STXBP5L: variants seen among roughly 807,000 people sequenced by gnomAD.
STXBP5L encodes the protein syntaxin-binding protein 5-like.
Under a neutral mutation model 144.5 loss-of-function variants are expected in STXBP5L, and 65 were observed. The observed-to-expected ratio is 0.45, with a 90% CI of 0.37 to 0.55. The LOEUF (loss-of-function observed/expected upper bound fraction) is 0.55, where lower values mean the gene tolerates loss of function less well. STXBP5L is among the 20% of genes least tolerant of loss of function. STXBP5L has a pLI of 0.00. For missense variants in STXBP5L, 1,298 were observed against 1,405.5 expected, an observed-to-expected ratio of 0.92 and a Z score of 1.22; for synonymous variants, 505 against 469.6, an observed-to-expected ratio of 1.08 and a Z score of -0.97.
intron 3 of STXBP5L, among the ~76,000 whole-genome samples, chr3:121,015,967 C>T (rs568750992): frequency 6.6e-6 from 1 of 152,256 alleles, no homozygotes; most frequent in East Asian, 1.9e-4. Flanking sequence ...AACATGCTAA[C>T]CAGTCTTCAT....
intron 5 of STXBP5L, among the ~76,000 whole-genome samples, chr3:121,058,630 A>G (rs1948615524): frequency 6.6e-6 from 1 of 152,188 alleles, no homozygotes; most frequent in Admixed American, 6.5e-5. Flanking sequence ...AATCCTCTCC[A>G]GCATCTGTTG....
At chr3:121,350,645 G>C (rs564557578) in intron 20 of STXBP5L, among the ~76,000 whole-genome samples, 1 of 152,090 alleles carries the variant, frequency 6.6e-6, no homozygotes, top group Admixed American at 6.6e-5. Context: ...TTTCTTGGAG[G>C]CTTTGTTCGT....
intron 2 of STXBP5L, among the ~76,000 whole-genome samples, chr3:120,910,029 A>T (rs925289235): frequency 1.3e-5 from 2 of 152,200 alleles, no homozygotes; most frequent in African/African-American, 4.8e-5. Context: ...AGTGGACAAA[A>T]TTTTTAATAT....
intron 3 of STXBP5L, among the ~76,000 whole-genome samples, chr3:120,956,065 GT>G (rs138710508): frequency 0.04 from 6,028 of 151,922 alleles, 167 homozygotes; most frequent in Middle Eastern, 0.082. Context: ...CTTGTTTCTG[GT>G]TTTTGGCTAT....
intron 19 of STXBP5L, among the ~76,000 whole-genome samples, chr3:121,303,235 C>G (rs2051997127): frequency 6.6e-6 from 1 of 152,202 alleles, no homozygotes; most frequent in East Asian, 1.9e-4. Context: ...ACAGACACTT[C>G]TCAAAAGAAG....
intron 9 of STXBP5L, among the ~76,000 whole-genome samples, chr3:121,182,847 T>A (rs2047216143): frequency 6.6e-6 from 1 of 152,044 alleles, no homozygotes; most frequent in African/African-American, 2.4e-5. Context: ...AAACAAAAGA[T>A]CATTCAAGGC....
chr3:121,074,644 C>G (rs1350171487), intron 5 of STXBP5L, among the ~76,000 whole-genome samples: 1 of 152,090 alleles, frequency 6.6e-6, no homozygotes, highest in South Asian at 2.1e-4. Context: ...CCTCATTTTC[C>G]CGCTGGCAAA....
In STXBP5L at chr3:121,309,764, C is replaced by T. The variant is rs944734276; in HGVS notation, c.2111-8711C>T. Among the ~76,000 whole-genome samples, 3 of 152,026 alleles carry T rather than the reference C, an allele frequency of 2.0e-5. No homozygotes were observed. The East Asian group carries it at 5.8e-4, about 29-fold the overall frequency. On this transcript the variant is annotated intron_variant, in intron 19 of 26. Transcript: ENST00000471454. ...AAGATCTTTATTCTACCAAATTAAGCCATATGTTTATCACAGTCCTATAAA... is the reference window on the plus strand; with the variant it reads ...AAGATCTTTATTCTACCAAATTAAGTCATATGTTTATCACAGTCCTATAAA...
intron 20 of STXBP5L, among the ~76,000 whole-genome samples, chr3:121,324,818 A>G (rs916765908): frequency 6.6e-6 from 1 of 152,044 alleles, no homozygotes; most frequent in Non-Finnish European, 1.5e-5. Flanking sequence ...ATTTTCCACA[A>G]AATTTTGGTA....
At chr3:121,304,453 A>T (rs2043266438) in intron 19 of STXBP5L, among the ~76,000 whole-genome samples, 1 of 152,162 alleles carries the variant, frequency 6.6e-6, no homozygotes, top group African/African-American at 2.4e-5. Flanking sequence ...TAACATTCAC[A>T]AGGATAGACT....
intron 15 of STXBP5L, 117 bp downstream of exon 15, chr3:121,250,880 G>A: frequency 1.2e-6 from 1 of 800,970 alleles, no homozygotes; most frequent in South Asian, 1.9e-5. Flanking sequence ...ACACATATGT[G>A]GCTGTGTTAC....
chr3:121,084,819 AC>A (rs1233450348), intron 5 of STXBP5L, among the ~76,000 whole-genome samples: 7 of 152,316 alleles, frequency 4.6e-5, no homozygotes, highest in South Asian at 2.1e-4. Context: ...GAACTAATTT[AC>A]ATTCCCACCA....
chr3:121,424,337 C>T lies in STXBP5L; in HGVS notation c.*5240C>T, dbSNP rs1351220783. ...ATACCTGTAACTTCCTATATGACAT[C>T]CAGTGCCCTGAAAGGGTGCTTACAC... On this transcript the variant is annotated 3_prime_UTR_variant, in exon 27 of 27. Transcript: ENST00000471454. 6.6e-6 allele frequency: 1 copy of T among 152,164 alleles called. No individual in the cohort carries two copies. The highest frequency in any genetic ancestry group is 1.5e-5 in the Non-Finnish European group (1 of 68,040). The allele number at this position is 152,164 out of a possible 1,614,324, so 9.4% of individuals were successfully genotyped here.
intron 9 of STXBP5L, among the ~76,000 whole-genome samples, chr3:121,192,759 G>A (rs148812397): frequency 0.019 from 2,918 of 152,246 alleles, 102 homozygotes; most frequent in African/African-American, 0.067. Context: ...TGGGAAAACT[G>A]GCTAGCCATC....
intron 19 of STXBP5L, among the ~76,000 whole-genome samples, chr3:121,309,204 G>C (rs1314902690): frequency 2.0e-5 from 3 of 151,986 alleles, no homozygotes; most frequent in Non-Finnish European, 4.4e-5. Flanking sequence ...AAAAGACATA[G>C]ATTGTGAGAC....
intron 5 of STXBP5L, among the ~76,000 whole-genome samples, chr3:121,098,123 A>G (rs1450262107): frequency 6.6e-6 from 1 of 152,192 alleles, no homozygotes; most frequent in East Asian, 1.9e-4. Flanking sequence ...AAAGCACATT[A>G]TATTATCTAA....
rs72966158 is a variant in STXBP5L at position 121,156,285 on chromosome 3, G to A, written c.754-1219G>A. Among the ~76,000 whole-genome samples, 378 of 152,038 alleles carry A rather than the reference G, an allele frequency of 2.5e-3. 2 individuals carry two copies. The highest frequency in any genetic ancestry group is 8.5e-3 in the African/African-American group (355 of 41,526). ...ATTGTTTAGAACTTTTATCAGTTAT[G>A]TATGTGTAACTTAGTTTGGAAATTT... On this transcript the variant is annotated intron_variant, in intron 8 of 26. Transcript: ENST00000471454.
At chr3:121,034,289 C>T (rs937701742) in intron 3 of STXBP5L, among the ~76,000 whole-genome samples, 21 of 152,186 alleles carry the variant, frequency 1.4e-4, no homozygotes, top group Middle Eastern at 3.4e-3. Flanking sequence ...TCATCCTCCT[C>T]CTTCCCACCT....
intron 3 of STXBP5L, among the ~76,000 whole-genome samples, chr3:120,975,712 C>T (rs1328602083): frequency 3.0e-4 from 46 of 152,054 alleles, no homozygotes; most frequent in African/African-American, 9.7e-4. Flanking sequence ...TTTTGAGATA[C>T]GTCCCATCAA....
Sources: allele counts gnomAD v4.1 joint callset (sites outside exome capture counted in the v4.1 genomes callset), GRCh38; gene constraint gnomAD v4.1.1; transcripts MANE v1.5; gene names NCBI Gene and HGNC (gene_info 2026-07-23, HGNC 2026-07-21).